GTF2IRD1: variants seen among roughly 807,000 people sequenced by gnomAD.
The protein encoded by GTF2IRD1 is general transcription factor II-I repeat domain-containing protein 1.
A neutral mutation model predicts 113.2 loss-of-function variants in GTF2IRD1; 26 were observed. The ratio of observed to expected loss-of-function variants is 0.23; its 90% CI spans 0.17 to 0.32. The LOEUF (loss-of-function observed/expected upper bound fraction) is 0.32, where lower values mean the gene tolerates loss of function less well. Ranked by LOEUF, GTF2IRD1 falls within the 10% of genes least tolerant of loss-of-function variation. The probability of loss-of-function intolerance (pLI) is 1.00; values close to 1 mark genes in which losing one functional copy is unlikely to be tolerated. For missense variants in GTF2IRD1, 864 were observed against 1,280.8 expected (o/e 0.67, Z 4.97); for synonymous variants, 484 against 529.1 (o/e 0.91, Z 1.17).
chr7:74,501,393 T>C (rs1383989955), intron 1 of GTF2IRD1, among the ~76,000 whole-genome samples: 1 of 152,178 alleles, frequency 6.6e-6, no homozygotes, highest in Admixed American at 6.5e-5. Flanking sequence ...AAATGAGAGC[T>C]TGTGAGAATT....
intron 9 of GTF2IRD1, among the ~76,000 whole-genome samples, chr7:74,530,517 A>G (rs1315155958): frequency 1.7e-5 from 2 of 120,736 alleles, no homozygotes; most frequent in South Asian, 5.3e-4. Context: ...TTTTTTTTGA[A>G]TAGAGATGGG....
At chr7:74,573,418 A>G (rs868993566) in intron 22 of GTF2IRD1, among the ~76,000 whole-genome samples, 2 of 150,968 alleles carry the variant, frequency 1.3e-5, no homozygotes, top group Non-Finnish European at 1.5e-5. Context: ...AAAAAAAACG[A>G]TTAAAATTTA....
chr7:74,536,090 C>A, intron 10 of GTF2IRD1, 77 bp from the exon 11 acceptor site: 2 of 928,578 alleles, frequency 2.2e-6, no homozygotes, highest in Non-Finnish European at 3.5e-6. Context: ...GCTTCACACA[C>A]AGACCTTTAC....
At chr7:74,505,237 C>T (rs1440839699) in intron 1 of GTF2IRD1, among the ~76,000 whole-genome samples, 1 of 152,178 alleles carries the variant, frequency 6.6e-6, no homozygotes, top group Non-Finnish European at 1.5e-5. Flanking sequence ...TGAAAAATCT[C>T]GGGCTTTCAG....
At chr7:74,549,258 G>C (rs1249236935) in intron 17 of GTF2IRD1, among the ~76,000 whole-genome samples, 2 of 149,078 alleles carry the variant, frequency 1.3e-5, no homozygotes, top group Admixed American at 1.4e-4. Flanking sequence ...AGCTGAGATC[G>C]TACCACGACA....
At chr7:74,465,670 C>T (rs372046860) in intron 1 of GTF2IRD1, among the ~76,000 whole-genome samples, 17 of 152,286 alleles carry the variant, frequency 1.1e-4, no homozygotes, top group East Asian at 7.7e-4. Flanking sequence ...AGACAGTGAA[C>T]CTTGGACCCC....
At chr7:74,598,897 A>T (rs587759728) in intron 25 of GTF2IRD1, among the ~76,000 whole-genome samples, 14 of 152,224 alleles carry the variant, frequency 9.2e-5, no homozygotes, top group Admixed American at 6.5e-4. Context: ...TCTCTTTCGC[A>T]GGGTCTCTAT....
At chr7:74,571,054 A>G in intron 22 of GTF2IRD1, 1 of 973,046 alleles carries the variant, frequency 1.0e-6, no homozygotes, top group Non-Finnish European at 1.2e-6. Context: ...CCCTGGGGGT[A>G]CAGCAGTCCC....
rs1306264714 is a variant in GTF2IRD1 at position 74,575,402 on chromosome 7, G to A, written c.2321-14449G>A. On this transcript the variant is annotated intron_variant, in intron 22 of 26. Coordinates refer to ENST00000424337, the MANE Select transcript of GTF2IRD1 (RefSeq NM_005685.4). ...GGACAGGGAAGATGGTACATGGCCAGATAAGGATTTTGACTTTTGCTCAGA... is the reference window on the plus strand; with the variant it reads ...GGACAGGGAAGATGGTACATGGCCAAATAAGGATTTTGACTTTTGCTCAGA... Among the ~76,000 whole-genome samples, 5 of 152,346 alleles carry A rather than the reference G, an allele frequency of 3.3e-5. 1 individual carries two copies. In the Middle Eastern group the frequency reaches 0.01, roughly 311 times the overall value.
At chr7:74,526,230 G>A (rs1028490092) in intron 8 of GTF2IRD1, among the ~76,000 whole-genome samples, 2 of 152,216 alleles carry the variant, frequency 1.3e-5, no homozygotes, top group African/African-American at 4.8e-5. Flanking sequence ...TTTTCCAAAT[G>A]TCAGTTCCTG....
chr7:74,458,838 A>G lies in GTF2IRD1; in HGVS notation c.-7+4662A>G, dbSNP rs908524091. Among the ~76,000 whole-genome samples, 4 of 145,278 alleles carry G rather than the reference A, an allele frequency of 2.8e-5. No individual in the cohort carries two copies. In the East Asian group the frequency reaches 8.2e-4, roughly 30 times the overall value. ...CCTGGCTAATTTTTGTATTTTTAGTAGAGACGGGGTTTCACCATGTTCGCC... is the reference window on the plus strand; with the variant it reads ...CCTGGCTAATTTTTGTATTTTTAGTGGAGACGGGGTTTCACCATGTTCGCC... On this transcript the variant is annotated intron_variant, in intron 1 of 26. Transcript: ENST00000424337.
intron 1 of GTF2IRD1, among the ~76,000 whole-genome samples, chr7:74,475,048 A>G (rs1437373961): frequency 6.6e-6 from 1 of 152,160 alleles, no homozygotes; most frequent in Non-Finnish European, 1.5e-5. Flanking sequence ...TGAGGCTAAG[A>G]GTTTGAGACC....
intron 9 of GTF2IRD1, among the ~76,000 whole-genome samples, chr7:74,532,215 T>C (rs587686743): frequency 3.2e-4 from 49 of 151,096 alleles, no homozygotes; most frequent in Non-Finnish European, 5.4e-4. Context: ...CGAACCCACA[T>C]CTCCCCGACC....
Position 74,519,326 on chromosome 7 carries a change from A to C in GTF2IRD1, c.606-83A>C, listed in dbSNP as rs1797126516. ...GGGGCTGTTATGTTCTGCAGAGGGCAGGGATGCGGGGTTTTCGGGGGAAGA... is the reference window on the plus strand; with the variant it reads ...GGGGCTGTTATGTTCTGCAGAGGGCCGGGATGCGGGGTTTTCGGGGGAAGA... On this transcript the variant is annotated intron_variant, in intron 5 of 26. Coordinates refer to ENST00000424337, the MANE Select transcript of GTF2IRD1 (RefSeq NM_005685.4). 3 of 918,308 alleles carry C rather than the reference A, an allele frequency of 3.3e-6. 1 individual carries two copies. In the South Asian group the frequency reaches 5.5e-5, roughly 17 times the overall value. The allele number at this position is 918,308 out of a possible 1,614,324, so 56.9% of individuals were successfully genotyped here.
At chr7:74,535,746 C>T (rs755126931) in intron 10 of GTF2IRD1, among the ~76,000 whole-genome samples, 17 of 152,184 alleles carry the variant, frequency 1.1e-4, no homozygotes, top group African/African-American at 3.4e-4. Flanking sequence ...TCAGTGTCCA[C>T]GTCTGTGAGA....
At chr7:74,471,672 TAAAA>T (rs66929736) in intron 1 of GTF2IRD1, among the ~76,000 whole-genome samples, 1 of 104,680 alleles carries the variant, frequency 9.6e-6, no homozygotes, top group African/African-American at 3.8e-5. Context: ...TTGAAATATT[TAAAA>T]AAAAAAAAAA....
chr7:74,557,590 T>G, intron 19 of GTF2IRD1, 49 bp from the exon 20 acceptor site: 1 of 1,270,924 alleles, frequency 7.9e-7, no homozygotes, highest in Non-Finnish European at 1.1e-6. Context: ...AGTCACCAAG[T>G]GCTTTTTCAC....
At chr7:74,552,824 G>T (rs781870967) in intron 17 of GTF2IRD1, among the ~76,000 whole-genome samples, 4 of 151,744 alleles carry the variant, frequency 2.6e-5, no homozygotes, top group African/African-American at 7.3e-5. Context: ...TGGTTTTTTT[G>T]TTGTTGTTTG....
intron 1 of GTF2IRD1, among the ~76,000 whole-genome samples, chr7:74,490,622 G>C (rs1484898571): frequency 7.1e-6 from 1 of 140,944 alleles, no homozygotes; most frequent in African/African-American, 2.6e-5. Flanking sequence ...CAAGAAACAA[G>C]CATATGGCAG....
Sources: gnomAD v4.1 joint callset for allele counts (sites outside exome capture counted in the v4.1 genomes callset) on GRCh38, gnomAD v4.1.1 for gene constraint, MANE v1.5 for transcripts, NCBI Gene and HGNC (gene_info 2026-07-23, HGNC 2026-07-21) for gene names.